Variants in PGLS observed in about 807,000 individuals in gnomAD.
The protein encoded by PGLS is 6-phosphogluconolactonase.
A neutral mutation model predicts 23.2 loss-of-function variants in PGLS; 21 were observed. The ratio of observed to expected loss-of-function variants is 0.91; its 90% CI spans 0.64 to 1.31. The LOEUF is 1.31. PGLS is among the 50% of genes most tolerant of loss of function. The pLI is 0.00. For missense variants in PGLS, 410 were observed against 354.0 expected (o/e 1.16, Z -1.27); for synonymous variants, 179 against 165.4 (o/e 1.08, Z -0.63).
At chr19:17,516,075 A>G (rs926175759) in intron 1 of PGLS, 98 bp from the exon 2 acceptor site, 2 of 866,986 alleles carry the variant, frequency 2.3e-6, no homozygotes, top group Non-Finnish European at 3.8e-6. Flanking sequence ...CAGTCTCCCC[A>G]TCTGTAAATG....
At chr19:17,512,213 G>T (rs1169344873) in intron 1 of PGLS, 2 of 503,270 alleles carry the variant, frequency 4.0e-6, no homozygotes, top group East Asian at 7.6e-5. Context: ...GCCACTGGGG[G>T]TCATGCCGAG....
At chr19:17,520,674 T>G in intron 4 of PGLS, 1 of 274,106 alleles carries the variant, frequency 3.6e-6, no homozygotes, top group Non-Finnish European at 6.7e-6. Flanking sequence ...GAGGTTGCCG[T>G]GAGCCAAGAT....
Position 17,511,827 on chromosome 19 carries a change from C to A in PGLS, c.155C>A (p.Ser52Ter). 6.6e-7 allele frequency: 1 copy of A among 1,519,724 alleles called. No homozygotes were observed. The highest frequency in any genetic ancestry group is 8.8e-7 in the Non-Finnish European group (1 of 1,137,742). The allele number at this position is 1,519,724 out of a possible 1,614,324, so 94.1% of individuals were successfully genotyped here. Residue 52 changes from serine (S) to a stop codon, truncating the protein, a stop_gained, in exon 1 of 5, where the codon TCG (serine) becomes TAG (stop). Coordinates refer to ENST00000252603, the MANE Select transcript of PGLS (RefSeq NM_012088.3). LOFTEE classifies it high-confidence loss of function. The stretch of plus-strand genomic sequence containing the variant: ...GGCCTGTCGGGCGGGAGCCTCGTCT[C>A]GATGCTAGCCCGCGAGCTACCCGCC... The part of the protein sequence containing the change: ...ALGLSGGSLV[S>*]MLARELPAAV...
chr19:17,515,398 C>T (rs2075527862), intron 1 of PGLS, among the ~76,000 whole-genome samples: 1 of 152,076 alleles, frequency 6.6e-6, no homozygotes, highest in Non-Finnish European at 1.5e-5. Context: ...TCAGAGCAGA[C>T]CAGGGCCCCT....
chr19:17,517,615 G>A (rs1183948075), intron 3 of PGLS, 95 bp from the exon 4 acceptor site: 4 of 1,380,628 alleles, frequency 2.9e-6, no homozygotes, highest in Non-Finnish European at 4.1e-6. Context: ...AGGATGGGAT[G>A]GAACAGTGGC....
chr19:17,521,219 G>A lies in PGLS; in HGVS notation c.*138G>A. On this transcript the variant is annotated 3_prime_UTR_variant, in exon 5 of 5. Coordinates refer to ENST00000252603, the MANE Select transcript of PGLS (RefSeq NM_012088.3). ...GGAAGCCAACAGCCTCCGGCCAGCA[G>A]CCCTACCCGGGGCTCAACACACAGG... 1 of 846,764 alleles carries A rather than the reference G, an allele frequency of 1.2e-6. No homozygotes were observed. The highest frequency in any genetic ancestry group is 1.8e-6 in the Non-Finnish European group (1 of 562,072). The allele number at this position is 846,764 out of a possible 1,614,324, so 52.5% of individuals were successfully genotyped here.
At position 17,511,703 on chromosome 19, in the gene PGLS, G is replaced by C. The variant is rs368232818; in HGVS notation, c.31G>C (p.Val11Leu). 2 of 1,509,272 alleles carry C rather than the reference G, an allele frequency of 1.3e-6. No homozygotes were observed. Among genetic ancestry groups the C allele is most frequent in the East Asian group, 2.7e-5 (1 of 36,870 alleles). The allele number at this position is 1,509,272 out of a possible 1,614,324, so 93.5% of individuals were successfully genotyped here. The change falls in exon 1 of 5, where the codon GTG becomes CTG. Residue 11 changes from valine to leucine, a missense_variant. By Grantham distance (32) the Val-to-Leu change is conservative (BLOSUM62 1). Transcript: ENST00000252603. ...CGCGCCGGCCCCGGGCCTCATCTCG[G>C]TGTTCTCGAGTTCCCAGGAGCTGGG... MAAPAPGLIS[V>L]FSSSQELGAA...
rs2075555617 is a variant in PGLS at position 17,521,062 on chromosome 19, A to G, written c.758A>G (p.Glu253Gly). The change falls in exon 5 of 5, where the codon GAG becomes GGG. Residue 253 changes from glutamate (E) to glycine (G), a missense_variant. Physicochemically the swap from Glu to Gly is moderately conservative, Grantham distance 98 (BLOSUM62 -2). Coordinates refer to ENST00000252603, the MANE Select transcript of PGLS (RefSeq NM_012088.3). ...GCCCGCCTCCTGACCGTGCCCTTCGAGAAGCATTCCACTTTGTAGCTGGCC... is the reference window on the plus strand; with the variant it reads ...GCCCGCCTCCTGACCGTGCCCTTCGGGAAGCATTCCACTTTGTAGCTGGCC... Reference protein sequence around the residue: ...AAARLLTVPFEKHSTL With the variant: ...AAARLLTVPFGKHSTL 6.2e-7 allele frequency: 1 copy of G among 1,602,016 alleles called. No homozygotes were observed. Among genetic ancestry groups the G allele is most frequent in the East Asian group, 2.3e-5 (1 of 44,238 alleles).
At chr19:17,518,992 G>A (rs1037599978) in intron 4 of PGLS, among the ~76,000 whole-genome samples, 5 of 152,018 alleles carry the variant, frequency 3.3e-5, no homozygotes, top group Non-Finnish European at 7.4e-5. Context: ...CACTGCACTG[G>A]GGAACATCAC....
At chr19:17,517,438 A>G (rs371116197) in intron 3 of PGLS, 49 bp downstream of exon 3, 2 of 1,409,214 alleles carry the variant, frequency 1.4e-6, no homozygotes, top group South Asian at 1.2e-5. Flanking sequence ...CCCAGTCCCT[A>G]ACATCTGGGA....
chr19:17,516,319 C>T (rs376780378), intron 2 of PGLS, 39 bp downstream of exon 2: 33 of 1,587,476 alleles, frequency 2.1e-5, no homozygotes, highest in Middle Eastern at 1.8e-4. Flanking sequence ...GTCACATCCA[C>T]GAAGCGGCCA....
chr19:17,513,254 G>A (rs950626260), intron 1 of PGLS: 36 of 152,162 alleles, frequency 2.4e-4, no homozygotes, highest in African/African-American at 7.7e-4. Context: ...AATTGGCTGG[G>A]TGCGGTGGCT....
At position 17,517,707 on chromosome 19, in the gene PGLS, A is replaced by C. The variant is rs753918100; in HGVS notation, c.499-3A>C. 6.2e-7 allele frequency: 1 copy of C among 1,614,042 alleles called. No homozygotes were observed. The highest frequency in any genetic ancestry group is 1.1e-5 in the South Asian group (1 of 91,082). On this transcript the variant is annotated splice_region_variant and splice_polypyrimidine_tract_variant and intron_variant, in intron 3 of 4. Transcript: ENST00000252603. Reference sequence around the variant, plus strand: ...GCCTCCATCCCTGGGCTTCCTCCCCAAGGAGCGGGAGAAGATTGTGGCTCC... The same window carrying C: ...GCCTCCATCCCTGGGCTTCCTCCCCCAGGAGCGGGAGAAGATTGTGGCTCC...
intron 1 of PGLS, chr19:17,512,675 GAC>G (rs1817859613): frequency 6.6e-6 from 1 of 152,178 alleles, no homozygotes; most frequent in Admixed American, 6.5e-5. Flanking sequence ...CTCTTTTAAA[GAC>G]AGGGTAACTG....
At position 17,511,887 on chromosome 19, in the gene PGLS, G is replaced by C; in HGVS notation, c.215G>C (p.Arg72Pro). ...CCTGCCGGGCCAGCTAGCTTAGCGC[G>C]CTGGACGCTGGGCTTCTGCGACGAG... ...VAPAGPASLARWTLGFCDERL... is the reference protein window; with the variant it reads ...VAPAGPASLAPWTLGFCDERL... Residue 72 changes from arginine to proline, a missense_variant, in exon 1 of 5, where the codon CGC (arginine) becomes CCC (proline). By Grantham distance (103) the Arg-to-Pro change is moderately radical (BLOSUM62 -2). Transcript: ENST00000252603. 6.5e-7 allele frequency: 1 copy of C among 1,541,408 alleles called. No individual in the cohort carries two copies. The highest frequency in any genetic ancestry group is 8.7e-7 in the Non-Finnish European group (1 of 1,144,968).
In PGLS at chr19:17,517,259, T is replaced by C. The variant is rs756636187; in HGVS notation, c.397-29T>C. 101 of 1,495,242 alleles carry C rather than the reference T, an allele frequency of 6.8e-5. 1 individual carries two copies. The highest frequency in any genetic ancestry group is 8.6e-5 in the Non-Finnish European group (92 of 1,072,984). The allele number at this position is 1,495,242 out of a possible 1,614,324, so 92.6% of individuals were successfully genotyped here. On this transcript the variant is annotated intron_variant, in intron 2 of 4. Coordinates refer to ENST00000252603, the MANE Select transcript of PGLS (RefSeq NM_012088.3). ...TCCCCTGCCCCTGCCACCTACAACC[T>C]CTCAAGGCTGTCTTCTCCCCACGCC...
intron 4 of PGLS, among the ~76,000 whole-genome samples, chr19:17,518,951 A>G (rs1358241926): frequency 6.6e-6 from 1 of 152,186 alleles, no homozygotes. Flanking sequence ...GTTCGAAGCT[A>G]TAGTGAAATG....
At chr19:17,518,008 G>A (rs1384166353) in intron 4 of PGLS, among the ~76,000 whole-genome samples, 158 bp downstream of exon 4, 62 of 78,118 alleles carry the variant, frequency 7.9e-4, no homozygotes, top group African/African-American at 3.9e-3. Context: ...TAGAAAAAAA[G>A]GAAAAAAAAA....
chr19:17,516,438 T>C (rs1364346706), intron 2 of PGLS, 158 bp downstream of exon 2: 1 of 1,412,220 alleles, frequency 7.1e-7, no homozygotes, highest in African/African-American at 1.4e-5. Flanking sequence ...AGCCCTGCCC[T>C]GGGGAGCCTG....
Sources: gnomAD v4.1 joint callset for allele counts (sites outside exome capture counted in the v4.1 genomes callset) on GRCh38, gnomAD v4.1.1 for gene constraint, MANE v1.5 for transcripts, NCBI Gene and HGNC (gene_info 2026-07-23, HGNC 2026-07-21) for gene names.